PLCZ1: variants seen among roughly 807,000 people sequenced by gnomAD.
PLCZ1 encodes the protein 1-phosphatidylinositol 4,5-bisphosphate phosphodiesterase zeta-1.
In PLCZ1, 64 loss-of-function variants were observed where a neutral mutation model predicts 76.8. The ratio of observed to expected loss-of-function variants is 0.83; its 90% CI spans 0.68 to 1.03. PLCZ1 has a LOEUF of 1.03. Ranked by LOEUF, PLCZ1 falls within the 50% of genes least tolerant of loss-of-function variation. PLCZ1 has a pLI of 0.00. For synonymous variants in PLCZ1, 248 were observed against 230.8 expected (o/e 1.07, Z -0.68); for missense variants, 751 against 713.7 (o/e 1.05, Z -0.60).
chr12:18,701,878 T>C, intron 7 of PLCZ1, 102 bp from the exon 8 acceptor site: 1 of 1,478,262 alleles, frequency 6.8e-7, no homozygotes, highest in Admixed American at 2.2e-5. Flanking sequence ...TAGCCTACAG[T>C]AATAAGATAT....
At chr12:18,650,664 ATGTGTGTGTGTG>A in the PLCZ1 span, among the ~76,000 whole-genome samples, 16 of 35,584 alleles carry the variant, frequency 4.5e-4, 1 homozygote, top group Non-Finnish European at 7.1e-4. Context: ...TGGAATATAA[ATGTGTGTGTGTG>A]TGTGTGTGTG....
intron 5 of PLCZ1, among the ~76,000 whole-genome samples, chr12:18,715,247 T>C (rs550577383): frequency 3.3e-5 from 4 of 122,056 alleles, no homozygotes; most frequent in Middle Eastern, 5.8e-3. Flanking sequence ...TTGGGAATAA[T>C]AGAGATAAAA....
At chr12:18,683,978 T>C in intron 14 of PLCZ1, 152 bp downstream of exon 14, 3 of 992,226 alleles carry the variant, frequency 3.0e-6, no homozygotes, top group African/African-American at 1.6e-5. Flanking sequence ...CACATTTTTA[T>C]AATTCCACAG....
At chr12:18,661,220 C>T in the PLCZ1 span, among the ~76,000 whole-genome samples, 4 of 152,008 alleles carry the variant, frequency 2.6e-5, no homozygotes, top group African/African-American at 9.7e-5. Context: ...GAGAAAGAGG[C>T]AAAGGGATTA....
At chr12:18,737,275 ACTC>A (rs1449677981) in intron 2 of PLCZ1, 83 bp downstream of exon 2, 9 of 1,443,504 alleles carry the variant, frequency 6.2e-6, no homozygotes, top group Admixed American at 1.7e-5. Flanking sequence ...TAAATTCAGA[ACTC>A]CTCGAAAAGA....
At chr12:18,689,076 G>A (rs1486129577) in intron 12 of PLCZ1, among the ~76,000 whole-genome samples, 1 of 152,124 alleles carries the variant, frequency 6.6e-6, no homozygotes, top group Non-Finnish European at 1.5e-5. Flanking sequence ...CTAGAAGCCA[G>A]TATGACTATG....
intron 10 of PLCZ1, among the ~76,000 whole-genome samples, chr12:18,696,648 T>C (rs1313466386): frequency 5.3e-5 from 8 of 152,030 alleles, no homozygotes; most frequent in Non-Finnish European, 1.0e-4. Flanking sequence ...TTTTCCCTTA[T>C]TATTTTTCCA....
the PLCZ1 span, among the ~76,000 whole-genome samples, chr12:18,663,487 A>G: frequency 1.3e-5 from 2 of 152,286 alleles, no homozygotes; most frequent in African/African-American, 2.4e-5. Flanking sequence ...TGCAAATACT[A>G]TGCTATTTTA....
At chr12:18,715,192 G>A (rs867590572) in intron 5 of PLCZ1, among the ~76,000 whole-genome samples, 2 of 8,940 alleles carry the variant, frequency 2.2e-4, no homozygotes, top group African/African-American at 6.6e-4. Context: ...GCGGAGGGAG[G>A]GAGAGAGAGA....
Position 18,705,328 on chromosome 12 carries a change from C to A in PLCZ1, c.715-13G>T, listed in dbSNP as rs1956463997. The A allele has an allele frequency of 1.9e-6, 3 of 1,613,802 alleles. No homozygotes were observed. The highest frequency in any genetic ancestry group is 2.5e-6 in the Non-Finnish European group (3 of 1,179,822). ...GGTAGTCAGATGTCTAAAAAAGTAACCATTACTATGGTTATTCATCAAAAC... is the reference window on the plus strand; with the variant it reads ...GGTAGTCAGATGTCTAAAAAAGTAAACATTACTATGGTTATTCATCAAAAC... On this transcript the variant is annotated splice_polypyrimidine_tract_variant and intron_variant, in intron 6 of 14. Transcript: ENST00000266505.
At chr12:18,726,859 A>T (rs1958778487) in intron 3 of PLCZ1, among the ~76,000 whole-genome samples, 1 of 152,058 alleles carries the variant, frequency 6.6e-6, no homozygotes, top group Non-Finnish European at 1.5e-5. Flanking sequence ...CTTTTTTCCC[A>T]AACTCTCGCG....
rs558612247 is a variant in PLCZ1, at chr12:18,696,136, C to T, written c.1291+14G>A. On this transcript the variant is annotated intron_variant, in intron 11 of 14. Coordinates refer to ENST00000266505, the MANE Select transcript of PLCZ1 (RefSeq NM_033123.4). ...GTTACTTCTGCAAACAACTCAATAT[C>T]GTATATAACATACCCATTTGACAAC... 5 of 1,246,874 alleles carry T rather than the reference C, an allele frequency of 4.0e-6. No individual in the cohort carries two copies. Among genetic ancestry groups the T allele is most frequent in the East Asian group, 2.4e-5 (1 of 42,282 alleles). The allele number at this position is 1,246,874 out of a possible 1,614,324, so 77.2% of individuals were successfully genotyped here.
the PLCZ1 span, among the ~76,000 whole-genome samples, chr12:18,650,293 T>TTCTCTCTCTC: frequency 2.3e-5 from 2 of 87,728 alleles, no homozygotes; most frequent in East Asian, 4.3e-4. Flanking sequence ...TAACCCAAAT[T>TTCTCTCTCTC]TCTCTCTCTC....
chr12:18,680,050 T>G (rs909918594), downstream of PLCZ1, among the ~76,000 whole-genome samples: 1 of 152,016 alleles, frequency 6.6e-6, no homozygotes, highest in Non-Finnish European at 1.5e-5. Flanking sequence ...ATAAGAACCC[T>G]TTGTTGGTAC....
intron 6 of PLCZ1, among the ~76,000 whole-genome samples, chr12:18,708,118 A>G (rs565438650): frequency 6.6e-6 from 1 of 152,254 alleles, no homozygotes; most frequent in East Asian, 1.9e-4. Flanking sequence ...AGACTTTTTC[A>G]TCCTACATAT....
At chr12:18,683,465 T>TTA in intron 14 of PLCZ1, 141 bp from the exon 15 acceptor site, 1 of 1,453,058 alleles carries the variant, frequency 6.9e-7, no homozygotes, top group Non-Finnish European at 9.4e-7. Flanking sequence ...TCTGGTATAT[T>TTA]AATCTTCCAC....
chr12:18,692,716 A>C, intron 12 of PLCZ1: 1 of 810,466 alleles, frequency 1.2e-6, no homozygotes, highest in Non-Finnish European at 2.0e-6. Flanking sequence ...ACTTTGAATC[A>C]TCAACATAAA....
At chr12:18,703,832 A>G (rs1471516148) in intron 7 of PLCZ1, among the ~76,000 whole-genome samples, 2 of 152,206 alleles carry the variant, frequency 1.3e-5, no homozygotes, top group Non-Finnish European at 2.9e-5. Flanking sequence ...CTTCTAACTG[A>G]ATCCCAAGCC....
chr12:18,696,293 G>T, intron 10 of PLCZ1, 27 bp from the exon 11 acceptor site: 1 of 945,342 alleles, frequency 1.1e-6, no homozygotes, highest in Non-Finnish European at 1.5e-6. Flanking sequence ...AAAACATTGT[G>T]AAAGAATTCA....
Sources: gnomAD v4.1 joint callset for allele counts (sites outside exome capture counted in the v4.1 genomes callset) on GRCh38, gnomAD v4.1.1 for gene constraint, MANE v1.5 for transcripts, NCBI Gene and HGNC (gene_info 2026-07-23, HGNC 2026-07-21) for gene names.